Variants in LUZP2 observed in about 807,000 individuals in gnomAD.
LUZP2 encodes the protein leucine zipper protein 2.
A neutral mutation model predicts 51.6 loss-of-function variants in LUZP2; 52 were observed. That is an observed-to-expected ratio of 1.01 (90% CI 0.81 to 1.27). LUZP2 has a LOEUF of 1.27. Among genes scored for constraint, LUZP2 ranks in the 50% most tolerant of loss-of-function variants. The pLI, the probability that LUZP2 is intolerant of heterozygous loss-of-function variation, is 0.00. For synonymous variants in LUZP2, 154 were observed against 137.3 expected (o/e 1.12, Z -0.85); for missense variants, 436 against 395.4 (o/e 1.10, Z -0.87).
In LUZP2 at chr11:25,080,171, A is replaced by G. The variant is rs111817289; in HGVS notation, c.*1513A>G. 3.0e-4 allele frequency: 46 copies of G among 152,366 alleles called. No homozygotes were observed. The highest frequency in any genetic ancestry group is 1.0e-3 in the African/African-American group (43 of 41,594). 9.4% of individuals were successfully genotyped at this position (152,366 alleles called of 1,614,324 possible). A position where few individuals can be genotyped will look rare whatever the true frequency, so the allele number is the denominator to read the frequency against. ...TTTTTCATGATTCTGTGAAAGCTTC[A>G]TAATTTCTACATGCTTTGAATTTTG... On this transcript the variant is annotated 3_prime_UTR_variant, in exon 12 of 12. Coordinates refer to ENST00000336930, the MANE Select transcript of LUZP2 (RefSeq NM_001009909.4).
At chr11:24,699,651 G>T (rs1274542340) in intron 1 of LUZP2, among the ~76,000 whole-genome samples, 1 of 112,202 alleles carries the variant, frequency 8.9e-6, no homozygotes, top group African/African-American at 3.2e-5. Context: ...CAATAGCCTT[G>T]GCCATATATA....
intron 9 of LUZP2, among the ~76,000 whole-genome samples, chr11:25,026,969 G>C (rs1430270903): frequency 6.6e-6 from 1 of 150,446 alleles, no homozygotes; most frequent in Non-Finnish European, 1.5e-5. Context: ...CACTGTCCCA[G>C]ATTTTAATTA....
intron 1 of LUZP2, among the ~76,000 whole-genome samples, chr11:24,666,659 C>G (rs770320275): frequency 6.6e-6 from 1 of 152,170 alleles, no homozygotes; most frequent in Non-Finnish European, 1.5e-5. Context: ...TTTTTCTCAC[C>G]TGGAAGAGAG....
intron 1 of LUZP2, among the ~76,000 whole-genome samples, chr11:24,550,715 T>C (rs1049322800): frequency 6.6e-6 from 1 of 152,110 alleles, no homozygotes; most frequent in South Asian, 2.1e-4. Flanking sequence ...CTTTTTCTTG[T>C]TGTCTAAATG....
chr11:24,644,375 C>T (rs2133950729), intron 1 of LUZP2, among the ~76,000 whole-genome samples: 1 of 152,274 alleles, frequency 6.6e-6, no homozygotes, highest in East Asian at 1.9e-4. Flanking sequence ...ATCAGTACAG[C>T]CCACTCTGAT....
In LUZP2 at chr11:24,914,415, T is replaced by C; in HGVS notation, c.460-61T>C. On this transcript the variant is annotated intron_variant, in intron 6 of 11. Coordinates refer to ENST00000336930, the MANE Select transcript of LUZP2 (RefSeq NM_001009909.4). The stretch of plus-strand genomic sequence containing the variant: ...ATTCCTGTGAAGTCTGAAAGTATTT[T>C]AATCTTCAAGTTTGAAAATATAAAT... 33 of 1,237,466 alleles carry C rather than the reference T, an allele frequency of 2.7e-5. No individual in the cohort carries two copies. In the South Asian group the frequency reaches 4.2e-4, roughly 16 times the overall value. 76.7% of individuals were successfully genotyped at this position (1,237,466 alleles called of 1,614,324 possible). A position where few individuals can be genotyped will look rare whatever the true frequency, so the allele number is the denominator to read the frequency against.
At chr11:24,742,610 A>G (rs182376660) in intron 4 of LUZP2, among the ~76,000 whole-genome samples, 74 of 152,134 alleles carry the variant, frequency 4.9e-4, no homozygotes, top group African/African-American at 1.8e-3. Flanking sequence ...TGTCAGATGT[A>G]TAGATTATGA....
chr11:25,033,383 T>C (rs1857754336), intron 9 of LUZP2, among the ~76,000 whole-genome samples: 1 of 151,680 alleles, frequency 6.6e-6, no homozygotes, highest in African/African-American at 2.4e-5. Flanking sequence ...AATATTTGTA[T>C]TGAATGCATA....
chr11:24,832,200 C>T (rs1392721317), intron 5 of LUZP2, among the ~76,000 whole-genome samples: 1 of 151,748 alleles, frequency 6.6e-6, no homozygotes, highest in African/African-American at 2.4e-5. Context: ...GAAAATGGAC[C>T]TTGAAAAATG....
intron 7 of LUZP2, among the ~76,000 whole-genome samples, chr11:24,925,408 C>A (rs530963273): frequency 2.0e-5 from 3 of 152,132 alleles, no homozygotes; most frequent in African/African-American, 7.2e-5. Context: ...TATACTCTAC[C>A]AGTTTAAAAG....
At chr11:24,748,867 C>T (rs970133832) in intron 4 of LUZP2, among the ~76,000 whole-genome samples, 5 of 151,932 alleles carry the variant, frequency 3.3e-5, no homozygotes, top group Admixed American at 1.3e-4. Flanking sequence ...TGTGATTTTG[C>T]GTGAGGAAAA....
intron 1 of LUZP2, among the ~76,000 whole-genome samples, chr11:24,687,346 G>C (rs750999653): frequency 1.3e-5 from 2 of 152,024 alleles, no homozygotes; most frequent in African/African-American, 2.4e-5. Context: ...ATTGTCATAG[G>C]CAAAAATCAT....
chr11:24,983,060 AG>A, intron 8 of LUZP2, 65 bp from the exon 9 acceptor site: 1 of 1,501,328 alleles, frequency 6.7e-7, no homozygotes, highest in South Asian at 1.2e-5. Flanking sequence ...GAGGAAAGGG[AG>A]AATGCAAGCA....
intron 5 of LUZP2, among the ~76,000 whole-genome samples, chr11:24,841,762 G>A (rs1851039484): frequency 1.3e-5 from 2 of 152,186 alleles, no homozygotes; most frequent in South Asian, 4.1e-4. Context: ...GCCCTAGCAG[G>A]TTAGAGTTGC....
chr11:24,881,226 C>T (rs562800286), intron 5 of LUZP2, among the ~76,000 whole-genome samples: 1 of 150,852 alleles, frequency 6.6e-6, no homozygotes, highest in East Asian at 2.0e-4. Flanking sequence ...ATTTTTAACT[C>T]AACTGAGATG....
chr11:24,687,391 G>T (rs1312822819), intron 1 of LUZP2, among the ~76,000 whole-genome samples: 1 of 152,132 alleles, frequency 6.6e-6, no homozygotes, highest in Non-Finnish European at 1.5e-5. Flanking sequence ...GAATTACACA[G>T]AATTTACTAT....
chr11:25,008,430 G>A (rs986276922), intron 9 of LUZP2, among the ~76,000 whole-genome samples: 5 of 152,154 alleles, frequency 3.3e-5, no homozygotes, highest in South Asian at 2.1e-4. Context: ...TTGAGGGGGC[G>A]TGTTCCAGCT....
intron 9 of LUZP2, among the ~76,000 whole-genome samples, chr11:24,998,058 C>A (rs1298084314): frequency 6.6e-6 from 1 of 152,154 alleles, no homozygotes; most frequent in Non-Finnish European, 1.5e-5. Flanking sequence ...TAGCGTGATG[C>A]CTCCAGCTTT....
At chr11:24,730,350 A>G (rs1327721103) in intron 2 of LUZP2, among the ~76,000 whole-genome samples, 4 of 151,782 alleles carry the variant, frequency 2.6e-5, no homozygotes, top group Non-Finnish European at 2.9e-5. Flanking sequence ...TTTAAAGTCA[A>G]TATCTAAGCT....
Sources: gnomAD v4.1 joint callset for allele counts (sites outside exome capture counted in the v4.1 genomes callset) on GRCh38, gnomAD v4.1.1 for gene constraint, MANE v1.5 for transcripts, NCBI Gene and HGNC (gene_info 2026-07-23, HGNC 2026-07-21) for gene names.